IRAK1BP1: variants seen among roughly 807,000 people sequenced by gnomAD.
IRAK1BP1 encodes the protein interleukin 1 receptor associated kinase 1 binding protein 1, also known as interleukin-1 receptor-associated kinase 1-binding protein 1.
In IRAK1BP1, 24 loss-of-function variants were observed where a neutral mutation model predicts 28.0. The ratio of observed to expected loss-of-function variants is 0.86; its 90% CI spans 0.62 to 1.20. The LOEUF (loss-of-function observed/expected upper bound fraction) is 1.20. IRAK1BP1 is among the 50% of genes most tolerant of loss of function. The probability of loss-of-function intolerance (pLI) is 0.00; values close to 1 mark genes in which losing one functional copy is unlikely to be tolerated. For missense variants in IRAK1BP1, 336 were observed against 316.7 expected (o/e 1.06, Z -0.46); for synonymous variants, 131 against 116.3 (o/e 1.13, Z -0.81).
chr6:78,888,244 T>C (rs1453560636), intron 2 of IRAK1BP1, among the ~76,000 whole-genome samples: 1 of 152,174 alleles, frequency 6.6e-6, no homozygotes, highest in Non-Finnish European at 1.5e-5. Context: ...GTTACAGTTA[T>C]GCAGATGAAT....
At chr6:78,968,884 T>G in the IRAK1BP1 span, among the ~76,000 whole-genome samples, 2 of 152,184 alleles carry the variant, frequency 1.3e-5, no homozygotes, top group Non-Finnish European at 2.9e-5. Flanking sequence ...GTGTTCCAAT[T>G]TTTTCCCCCT....
At chr6:78,968,880 C>T in the IRAK1BP1 span, among the ~76,000 whole-genome samples, 133 of 152,198 alleles carry the variant, frequency 8.7e-4, 1 homozygote, top group South Asian at 2.5e-3. Context: ...TTATGTGTTC[C>T]AATTTTTTCC....
Position 78,945,284 on chromosome 6 carries a change from A to G in IRAK1BP1, c.*68-124A>G, listed in dbSNP as rs577476778. 1.9e-6 allele frequency: 3 copies of G among 1,548,656 alleles called. No individual in the cohort carries two copies. In the East Asian group the frequency reaches 6.7e-5, roughly 35 times the overall value. On this transcript the variant is annotated intron_variant and NMD_transcript_variant, in intron 4 of 4. Transcript: ENST00000606868. ...AAGGATCTACTGTATCTTGAAAGAT[A>G]CAAGTAATACCTTACCTTGCTCAAT...
At chr6:78,955,289 G>A in the IRAK1BP1 span, 1 of 1,599,280 alleles carries the variant, frequency 6.3e-7, no homozygotes, top group Non-Finnish European at 8.6e-7. Flanking sequence ...CATCCTTTGA[G>A]GCAAGAATTT....
intron 4 of IRAK1BP1, among the ~76,000 whole-genome samples, chr6:78,928,585 G>A (rs1772954772): frequency 6.6e-6 from 1 of 152,064 alleles, no homozygotes; most frequent in Non-Finnish European, 1.5e-5. Flanking sequence ...CAGTGTCCTT[G>A]TTGTATTCCA....
chr6:78,898,222 C>G lies in IRAK1BP1; in HGVS notation c.671C>G (p.Ser224Ter), dbSNP rs1328726694. The G allele has an allele frequency of 4.3e-6, 7 of 1,613,358 alleles. No homozygotes were observed. In the Admixed American group the frequency reaches 1.2e-4, roughly 27 times the overall value. Residue 224 changes from serine (S) to a stop codon, truncating the protein, a stop_gained, in exon 4 of 4, where the codon TCA becomes TGA. Transcript: ENST00000369940. LOFTEE classifies it high-confidence loss of function. ...QIDDHQSSRLSSSLTVQQKIK... is the reference protein window; with the variant it reads ...QIDDHQSSRL ...GATGATCACCAGTCATCCAGACTCT[C>G]AAGTTCATTAACTGTACAACAAAAA...
At chr6:78,956,271 T>C in the IRAK1BP1 span, 1 of 152,170 alleles carries the variant, frequency 6.6e-6, no homozygotes. Context: ...TTCATTATTC[T>C]TTCCCTTTCC....
chr6:78,896,572 C>T (rs1452100383), intron 2 of IRAK1BP1, among the ~76,000 whole-genome samples: 1 of 152,070 alleles, frequency 6.6e-6, no homozygotes, highest in African/African-American at 2.4e-5. Context: ...GGGGAAGGAA[C>T]TGATAAAGGA....
Position 78,898,542 on chromosome 6 carries a change from T to C in IRAK1BP1, c.*208T>C, listed in dbSNP as rs1216569798. The C allele has an allele frequency of 1.3e-5, 2 of 152,166 alleles. No individual in the cohort carries two copies. The highest frequency in any genetic ancestry group is 4.9e-5 in the African/African-American group (2 of 40,948). The allele number at this position is 152,166 out of a possible 1,614,324, so 9.4% of individuals were successfully genotyped here. On this transcript the variant is annotated 3_prime_UTR_variant, in exon 4 of 4. Transcript: ENST00000369940. Reference sequence around the variant, plus strand: ...TCACTTTCTATTTTTAAAAGACTACTCTGAAAAACACTCTTGGATAATAAA... The same window carrying C: ...TCACTTTCTATTTTTAAAAGACTACCCTGAAAAACACTCTTGGATAATAAA...
At chr6:78,939,120 G>A (rs1472275421) in intron 4 of IRAK1BP1, 1 of 151,482 alleles carries the variant, frequency 6.6e-6, no homozygotes, top group Non-Finnish European at 1.5e-5. Context: ...CAATAGAAAT[G>A]GTAAGTATGT....
At chr6:78,946,008 C>A in exon 5 of IRAK1BP1, 1 of 1,603,330 alleles carries the variant, frequency 6.2e-7, no homozygotes, top group Non-Finnish European at 8.5e-7. Flanking sequence ...TACTTGTTTT[C>A]CCTGGTATTG....
Position 78,901,056 on chromosome 6 carries a change from T to C in IRAK1BP1, c.*2722T>C, listed in dbSNP as rs1427845910. ...ATGAGGTTGTGCATCAAGAAAAAAATTGTTCGTTCTCAACAAAAATTTAAT... is the reference window on the plus strand; with the variant it reads ...ATGAGGTTGTGCATCAAGAAAAAAACTGTTCGTTCTCAACAAAAATTTAAT... On this transcript the variant is annotated 3_prime_UTR_variant, in exon 4 of 4. Transcript: ENST00000369940. 6.6e-6 allele frequency: 1 copy of C among 151,826 alleles called. No homozygotes were observed. 9.4% of individuals were successfully genotyped at this position (151,826 alleles called of 1,614,324 possible).
intron 4 of IRAK1BP1, among the ~76,000 whole-genome samples, chr6:78,913,815 A>C (rs572550473): frequency 5.3e-5 from 8 of 152,236 alleles, no homozygotes; most frequent in Middle Eastern, 3.2e-3. Context: ...GCATTTGTTA[A>C]AATTCTTGGA....
At chr6:78,944,323 G>A (rs1773684095) in intron 4 of IRAK1BP1, among the ~76,000 whole-genome samples, 1 of 152,182 alleles carries the variant, frequency 6.6e-6, no homozygotes. Context: ...TTTTCTCTGT[G>A]TGTACGTACA....
downstream of IRAK1BP1, among the ~76,000 whole-genome samples, chr6:78,948,468 A>T (rs1054799155): frequency 6.6e-6 from 1 of 151,022 alleles, no homozygotes; most frequent in African/African-American, 2.4e-5. Context: ...AGAATATGCT[A>T]TTTTTTTTTA....
chr6:78,892,245 A>G lies in IRAK1BP1; in HGVS notation c.382-5584A>G, dbSNP rs1771689255. On this transcript the variant is annotated intron_variant, in intron 2 of 3. Transcript: ENST00000369940. ...TAGTTAGCCAGTTTCATTCAAAACC[A>G]TCTATAGCTATATTGTTCTACTTAT... Among the ~76,000 whole-genome samples, 3 of 152,232 alleles carry G rather than the reference A, an allele frequency of 2.0e-5. No individual in the cohort carries two copies. In the Middle Eastern group the frequency reaches 0.01, roughly 518 times the overall value.
intron 4 of IRAK1BP1, among the ~76,000 whole-genome samples, chr6:78,926,323 A>T (rs1351826555): frequency 6.6e-6 from 1 of 152,206 alleles, no homozygotes; most frequent in Non-Finnish European, 1.5e-5. Context: ...ATTACTGGGT[A>T]TATATCCAAA....
chr6:78,928,409 T>G (rs370978024), intron 4 of IRAK1BP1, among the ~76,000 whole-genome samples: 5 of 152,064 alleles, frequency 3.3e-5, no homozygotes, highest in African/African-American at 7.2e-5. Context: ...TTAATAGTTT[T>G]TGTGTGTGTG....
chr6:78,968,840 T>A, the IRAK1BP1 span, among the ~76,000 whole-genome samples: 1 of 152,318 alleles, frequency 6.6e-6, no homozygotes, highest in African/African-American at 2.4e-5. Flanking sequence ...TTCAATGTAA[T>A]TTTCCACAAA....
Sources: gnomAD v4.1 joint callset for allele counts (sites outside exome capture counted in the v4.1 genomes callset) on GRCh38, gnomAD v4.1.1 for gene constraint, MANE v1.5 for transcripts, NCBI Gene and HGNC (gene_info 2026-07-23, HGNC 2026-07-21) for gene names.